Variants in RNF180 observed in about 807,000 individuals in gnomAD.
RNF180 encodes E3 ubiquitin-protein ligase RNF180.
Under a neutral mutation model 59.2 loss-of-function variants are expected in RNF180, and 38 were observed. The ratio of observed to expected loss-of-function variants is 0.64; its 90% CI spans 0.50 to 0.84. The LOEUF is 0.84. Among genes scored for constraint, RNF180 ranks in the 40% least tolerant of loss-of-function variants. The pLI is 0.00. For missense variants in RNF180, 705 were observed against 700.9 expected, an observed-to-expected ratio of 1.01 and a Z score of -0.07; for synonymous variants, 262 against 240.3, an observed-to-expected ratio of 1.09 and a Z score of -0.84.
At chr5:64,231,947 T>A (rs1477146215) in intron 5 of RNF180, among the ~76,000 whole-genome samples, 2 of 152,178 alleles carry the variant, frequency 1.3e-5, no homozygotes, top group African/African-American at 4.8e-5. Context: ...AAGTGACCAG[T>A]CTTTGTGTTA....
At chr5:64,278,527 G>A (rs1445199607) in intron 5 of RNF180, among the ~76,000 whole-genome samples, 1 of 152,150 alleles carries the variant, frequency 6.6e-6, no homozygotes, top group African/African-American at 2.4e-5. Flanking sequence ...AAAAGATAAA[G>A]GGAGTAAAGT....
At chr5:64,169,661 T>G (rs1022950554) in intron 1 of RNF180, among the ~76,000 whole-genome samples, 3 of 152,194 alleles carry the variant, frequency 2.0e-5, no homozygotes, top group Non-Finnish European at 4.4e-5. Flanking sequence ...TAATTTTTTT[T>G]GCAACTGAGT....
In RNF180 at chr5:64,330,385, A is replaced by C. The variant is rs1009633626; in HGVS notation, c.1558A>C (p.Lys520Gln). Residue 520 changes from lysine (K) to glutamine (Q), a missense_variant, in exon 7 of 8, where the codon AAA becomes CAA. Lys to Gln is a moderately conservative substitution (Grantham distance 53, BLOSUM62 1). Transcript: ENST00000389100. ...SAKWPLPSCRKAFHLFGGFRR... is the reference protein window; with the variant it reads ...SAKWPLPSCRQAFHLFGGFRR... ...AAAATGGCCCCTACCAAGCTGCAGA[A>C]AAGCATTTCATCTTTTTGGAGGTAA... The C allele has an allele frequency of 6.5e-7, 1 of 1,537,754 alleles. No homozygotes were observed. Among genetic ancestry groups the C allele is most frequent in the Non-Finnish European group, 8.7e-7 (1 of 1,144,024 alleles).
intron 5 of RNF180, among the ~76,000 whole-genome samples, chr5:64,272,531 A>G (rs1449350160): frequency 5.3e-5 from 8 of 152,070 alleles, no homozygotes; most frequent in Non-Finnish European, 1.2e-4. Flanking sequence ...GCCTAAGAAC[A>G]GTTGGAAGAT....
intron 6 of RNF180, among the ~76,000 whole-genome samples, chr5:64,328,035 A>G (rs930009937): frequency 2.6e-5 from 4 of 152,108 alleles, no homozygotes; most frequent in African/African-American, 9.7e-5. Context: ...AGGAGGAGGA[A>G]GAGGGAGAGG....
chr5:64,223,767 C>G lies in RNF180; in HGVS notation c.1227+6371C>G, dbSNP rs1412016189. Among the ~76,000 whole-genome samples, 5 of 151,964 alleles carry G rather than the reference C, an allele frequency of 3.3e-5. No individual in the cohort carries two copies. In the East Asian group the frequency reaches 9.6e-4, roughly 29 times the overall value. ...TCCTTTCCTTCATGTAACTAATGATCACTTGGTAGTTTACTCTTTGCCAGA... is the reference window on the plus strand; with the variant it reads ...TCCTTTCCTTCATGTAACTAATGATGACTTGGTAGTTTACTCTTTGCCAGA... On this transcript the variant is annotated intron_variant, in intron 5 of 7. Transcript: ENST00000389100.
chr5:64,276,157 C>T (rs1027872361), intron 5 of RNF180, among the ~76,000 whole-genome samples: 6 of 152,080 alleles, frequency 3.9e-5, no homozygotes, highest in African/African-American at 1.2e-4. Context: ...TATTTATGCT[C>T]AGAATCATGG....
intron 7 of RNF180, among the ~76,000 whole-genome samples, chr5:64,351,769 G>GTTA (rs1745821706): frequency 6.6e-6 from 1 of 151,836 alleles, no homozygotes; most frequent in African/African-American, 2.4e-5. Context: ...TGATCATGGT[G>GTTA]GATAAGCTTT....
chr5:64,183,936 A>G (rs931648865), intron 1 of RNF180, among the ~76,000 whole-genome samples: 4 of 152,218 alleles, frequency 2.6e-5, no homozygotes, highest in Non-Finnish European at 5.9e-5. Context: ...CCTAATTCCT[A>G]GTACCTCCGA....
At chr5:64,221,981 A>G (rs1441534376) in intron 5 of RNF180, among the ~76,000 whole-genome samples, 1 of 152,146 alleles carries the variant, frequency 6.6e-6, no homozygotes, top group Non-Finnish European at 1.5e-5. Context: ...GTTTTTACCT[A>G]ATAAGTCTTT....
chr5:64,236,307 C>T (rs1471837577), intron 5 of RNF180, among the ~76,000 whole-genome samples: 1 of 152,154 alleles, frequency 6.6e-6, no homozygotes, highest in African/African-American at 2.4e-5. Context: ...TTTGCCCCTG[C>T]CCTAGAGATC....
At chr5:64,321,889 G>T (rs1400849858) in intron 5 of RNF180, among the ~76,000 whole-genome samples, 1 of 152,152 alleles carries the variant, frequency 6.6e-6, no homozygotes, top group African/African-American at 2.4e-5. Context: ...CGACAAACCT[G>T]ATAAAAACAA....
At chr5:64,257,153 A>G (rs1408035967) in intron 5 of RNF180, among the ~76,000 whole-genome samples, 1 of 152,088 alleles carries the variant, frequency 6.6e-6, no homozygotes, top group Non-Finnish European at 1.5e-5. Flanking sequence ...TGCAAACAGG[A>G]ACAATTTGAC....
chr5:64,224,239 A>C (rs1741533879), intron 5 of RNF180, among the ~76,000 whole-genome samples: 1 of 152,200 alleles, frequency 6.6e-6, no homozygotes, highest in Non-Finnish European at 1.5e-5. Flanking sequence ...ACAGCAGCAA[A>C]GAAAATTCTG....
At chr5:64,284,851 A>T (rs1742196578) in intron 5 of RNF180, among the ~76,000 whole-genome samples, 1 of 152,148 alleles carries the variant, frequency 6.6e-6, no homozygotes, top group South Asian at 2.1e-4. Context: ...CTTAAGAATC[A>T]TTGCTGGGAA....
At chr5:64,235,191 G>A (rs751058023) in intron 5 of RNF180, among the ~76,000 whole-genome samples, 4 of 152,170 alleles carry the variant, frequency 2.6e-5, no homozygotes, top group Non-Finnish European at 4.4e-5. Context: ...TCTGAGGTGG[G>A]AGGGTCACTT....
At chr5:64,172,686 C>T (rs558214430) in intron 1 of RNF180, among the ~76,000 whole-genome samples, 1 of 152,148 alleles carries the variant, frequency 6.6e-6, no homozygotes, top group Admixed American at 6.5e-5. Context: ...ATGAAATACT[C>T]TTAGGATGCC....
At chr5:64,324,946 G>C (rs1264096296) in intron 5 of RNF180, among the ~76,000 whole-genome samples, 1 of 152,034 alleles carries the variant, frequency 6.6e-6, no homozygotes, top group African/African-American at 2.4e-5. Flanking sequence ...TACTTAATAG[G>C]TTTAGGTATA....
intron 2 of RNF180, among the ~76,000 whole-genome samples, chr5:64,207,634 A>C (rs1580001640): frequency 6.6e-6 from 1 of 152,256 alleles, no homozygotes; most frequent in South Asian, 2.1e-4. Context: ...TGAAGAGTGA[A>C]TTAGAAAGGT....
Sources: allele counts gnomAD v4.1 joint callset (sites outside exome capture counted in the v4.1 genomes callset), GRCh38; gene constraint gnomAD v4.1.1; transcripts MANE v1.5; gene names NCBI Gene and HGNC (gene_info 2026-07-23, HGNC 2026-07-21).